MAP4: variants seen among roughly 807,000 people sequenced by gnomAD.
MAP4 encodes microtubule associated protein 4, also known as microtubule-associated protein 4.
MAP4 carries 76 observed loss-of-function variants against 170.2 expected under a neutral mutation model. The ratio of observed to expected loss-of-function variants is 0.45; its 90% confidence interval spans 0.37 to 0.54. MAP4 has a LOEUF of 0.54. Ranked by LOEUF, MAP4 falls within the 20% of genes least tolerant of loss-of-function variation. MAP4 has a pLI of 0.00. For missense variants in MAP4, 2,506 were observed against 2,748.0 expected, an observed-to-expected ratio of 0.91 and a Z score of 1.97; for synonymous variants, 909 against 994.5, an observed-to-expected ratio of 0.91 and a Z score of 1.62.
At chr3:47,949,425 C>T (rs1559563538) in intron 3 of MAP4, among the ~76,000 whole-genome samples, 1 of 147,208 alleles carries the variant, frequency 6.8e-6, no homozygotes, top group Non-Finnish European at 1.5e-5. Context: ...GAGATTGTCC[C>T]ACTGCACTCC....
intron 1 of MAP4, among the ~76,000 whole-genome samples, chr3:48,011,251 A>G (rs1481606054): frequency 6.6e-6 from 1 of 152,142 alleles, no homozygotes; most frequent in East Asian, 1.9e-4. Flanking sequence ...TAGGAACTGG[A>G]CTTGGTAATC....
At chr3:47,953,397 CT>C (rs1318681993) in intron 3 of MAP4, among the ~76,000 whole-genome samples, 2 of 152,108 alleles carry the variant, frequency 1.3e-5, no homozygotes, top group African/African-American at 4.8e-5. Context: ...TGTCACATGC[CT>C]GTAATCCCAG....
chr3:48,011,602 A>AT (rs1185532491), intron 1 of MAP4, among the ~76,000 whole-genome samples: 3 of 151,734 alleles, frequency 2.0e-5, no homozygotes, highest in Non-Finnish European at 4.4e-5. Context: ...CCTGTGACCC[A>AT]TTTACAACAG....
chr3:48,076,857 A>G (rs1337919332), intron 1 of MAP4, among the ~76,000 whole-genome samples: 2 of 152,234 alleles, frequency 1.3e-5, no homozygotes, highest in Non-Finnish European at 2.9e-5. Context: ...TTGTGTTTCA[A>G]AAGATACTAT....
chr3:47,945,944 A>T (rs577375518), intron 3 of MAP4, among the ~76,000 whole-genome samples: 2 of 150,374 alleles, frequency 1.3e-5, no homozygotes, highest in South Asian at 2.1e-4. Context: ...ATTTTATTTT[A>T]TTTTTTTTGA....
At position 47,914,929 on chromosome 3, in the gene MAP4, T is replaced by C. The variant is rs1346096812; in HGVS notation, c.1887A>G (p.Thr629=). 2 of 1,613,974 alleles carry C rather than the reference T, an allele frequency of 1.2e-6. No individual in the cohort carries two copies. Among genetic ancestry groups the C allele is most frequent in the Non-Finnish European group, 1.7e-6 (2 of 1,180,018 alleles). Residue 629 remains threonine (T), a synonymous_variant, in exon 8 of 21, where the codon ACA becomes ACG. Transcript: ENST00000683076. ...PTFMISPETV[T]GTGKKCSLPA... is the part of the protein sequence containing the mutation. ...GCAAGCTGCACTTTTTCCCCGTTCCTGTGACGGTTTCTAAAGGTAATAACA... is the reference window on the plus strand; with the variant it reads ...GCAAGCTGCACTTTTTCCCCGTTCCCGTGACGGTTTCTAAAGGTAATAACA...
intron 3 of MAP4, among the ~76,000 whole-genome samples, chr3:47,960,056 G>A (rs1031661888): frequency 6.6e-6 from 1 of 151,892 alleles, no homozygotes; most frequent in Non-Finnish European, 1.5e-5. Context: ...TAGAGACAGG[G>A]TTTCATCATG....
Position 47,906,031 on chromosome 3 carries a change from A to C in MAP4, c.5383+3007T>G, listed in dbSNP as rs11707258. On this transcript the variant is annotated intron_variant, in intron 9 of 20. Transcript: ENST00000683076. ...AAAACAAACAAAAAACAGCACACAC[A>C]CAAAATCTATGCCATGAAATAATTT... 7.2e-3 allele frequency among the ~76,000 whole-genome samples: 1,098 copies of C among 151,778 alleles called. 8 individuals are homozygous for C. The highest frequency in any genetic ancestry group is 0.019 in the South Asian group (90 of 4,824).
intron 1 of MAP4, among the ~76,000 whole-genome samples, chr3:48,031,890 C>T (rs1450022197): frequency 6.6e-6 from 1 of 151,346 alleles, no homozygotes; most frequent in Admixed American, 6.6e-5. Flanking sequence ...TACACACACA[C>T]ATACACACAC....
chr3:47,985,944 C>A (rs1281492511), intron 2 of MAP4, among the ~76,000 whole-genome samples: 1 of 152,188 alleles, frequency 6.6e-6, no homozygotes, highest in Non-Finnish European at 1.5e-5. Context: ...TGTGCTAATG[C>A]CTAGTTCTTC....
chr3:48,074,725 T>TGTGTGTGTGTGTGTGTGA lies in MAP4; in HGVS notation c.-20+14047_-20+14048insTCACACACACACACACAC, dbSNP rs756153345. 1.4e-3 allele frequency among the ~76,000 whole-genome samples: 203 copies of TGTGTGTGTGTGTGTGTGA among 147,356 alleles called. 4 individuals carry two copies. The highest frequency in any genetic ancestry group is 6.9e-3 in the Middle Eastern group (2 of 288). On this transcript the variant is annotated intron_variant, in intron 1 of 18. Transcript: ENST00000360240. ...GTGTGTGTGTGTGTGTGTGTGTGTG[T>TGTGTGTGTGTGTGTGTGA]GATATGTCGGCCAGACTGGTCTCGA...
intron 10 of MAP4, chr3:47,891,615 G>A: frequency 1.3e-6 from 2 of 1,536,010 alleles, no homozygotes; most frequent in South Asian, 2.4e-5. Flanking sequence ...GCCTTTTTCT[G>A]CTGGGGGGCT....
chr3:47,951,111 T>C (rs1056314547), intron 3 of MAP4, among the ~76,000 whole-genome samples: 3 of 152,206 alleles, frequency 2.0e-5, no homozygotes, highest in African/African-American at 7.2e-5. Context: ...TTTATAAAGG[T>C]TTTAAAATTA....
intron 1 of MAP4, among the ~76,000 whole-genome samples, chr3:48,080,425 T>A (rs942288395): frequency 7.9e-5 from 12 of 152,166 alleles, no homozygotes; most frequent in South Asian, 2.1e-4. Context: ...GTATTTTTTT[T>A]AAAAAAGCTA....
At chr3:47,994,110 TTA>T (rs2100093978) in intron 2 of MAP4, among the ~76,000 whole-genome samples, 1 of 152,168 alleles carries the variant, frequency 6.6e-6, no homozygotes, top group Non-Finnish European at 1.5e-5. Flanking sequence ...AAAAAAAACT[TTA>T]AAGGGCATCC....
intron 3 of MAP4, among the ~76,000 whole-genome samples, chr3:47,929,703 T>A (rs1267816723): frequency 2.8e-5 from 3 of 108,936 alleles, no homozygotes; most frequent in African/African-American, 1.1e-4. Flanking sequence ...AAAAAACTTA[T>A]AAACAGGAAA....
At chr3:47,918,686 A>G (rs757212835) in intron 6 of MAP4, 33 bp downstream of exon 6, 1 of 1,561,088 alleles carries the variant, frequency 6.4e-7, no homozygotes, top group East Asian at 2.3e-5. Context: ...TACTGCAACC[A>G]TTAACTGATA....
At chr3:47,866,907 C>A (rs1359175032) in intron 17 of MAP4, among the ~76,000 whole-genome samples, 1 of 152,206 alleles carries the variant, frequency 6.6e-6, no homozygotes, top group Non-Finnish European at 1.5e-5. Context: ...GACCGACATA[C>A]ACATCCCAGG....
At chr3:47,994,228 C>G (rs1302742576) in intron 2 of MAP4, among the ~76,000 whole-genome samples, 2 of 152,108 alleles carry the variant, frequency 1.3e-5, no homozygotes, top group African/African-American at 4.8e-5. Flanking sequence ...ATATTTACTC[C>G]AAAAAATTTG....
Sources: gnomAD v4.1 joint callset for allele counts (sites outside exome capture counted in the v4.1 genomes callset) on GRCh38, gnomAD v4.1.1 for gene constraint, MANE v1.5 for transcripts, NCBI Gene and HGNC (gene_info 2026-07-23, HGNC 2026-07-21) for gene names.